The following PBX4 variants were observed in gnomAD, a reference collection of about 807,000 sequenced individuals.
PBX4 encodes the protein PBX homeobox 4.
PBX4 carries 26 observed loss-of-function variants against 35.1 expected under a neutral mutation model. The observed-to-expected ratio is 0.74, with a 90% CI of 0.54 to 1.03. The LOEUF is 1.03. PBX4 is among the 50% of genes least tolerant of loss of function. PBX4 has a pLI of 0.00. For missense variants in PBX4, 448 were observed against 504.3 expected, an observed-to-expected ratio of 0.89 and a Z score of 1.07; for synonymous variants, 199 against 204.2, an observed-to-expected ratio of 0.97 and a Z score of 0.22.
At chr19:19,599,613 G>A (rs1456297015) in intron 1 of PBX4, among the ~76,000 whole-genome samples, 1 of 152,154 alleles carries the variant, frequency 6.6e-6, no homozygotes, top group Non-Finnish European at 1.5e-5. Context: ...CGAGGCAGGT[G>A]GATCACTTGA....
chr19:19,572,553 T>C (rs2061390649), intron 2 of PBX4, among the ~76,000 whole-genome samples: 1 of 150,172 alleles, frequency 6.7e-6, no homozygotes, highest in African/African-American at 2.5e-5. Flanking sequence ...GATATCCTTG[T>C]AAGAATTTTC....
chr19:19,600,141 CAATAAT>C lies in PBX4; in HGVS notation c.120-782_120-777del, dbSNP rs3066478. ...CAGGCAATAGAGTGAGACTCTGTCT[CAATAAT>C]AATAATAATAATAATGTAAAGCAAT... On this transcript the variant is annotated intron_variant, in intron 1 of 7. Coordinates refer to ENST00000251203, the MANE Select transcript of PBX4 (RefSeq NM_025245.3). 7.4e-5 allele frequency among the ~76,000 whole-genome samples: 11 copies of C among 149,382 alleles called. No individual in the cohort carries two copies. The East Asian group carries it at 2.2e-3, about 29-fold the overall frequency.
intron 1 of PBX4, among the ~76,000 whole-genome samples, chr19:19,607,583 C>A (rs1278671592): frequency 6.6e-6 from 1 of 152,164 alleles, no homozygotes; most frequent in Non-Finnish European, 1.5e-5. Flanking sequence ...AGAGCTTTAT[C>A]CCCCTTCAAC....
intron 1 of PBX4, among the ~76,000 whole-genome samples, chr19:19,614,321 G>T (rs901032972): frequency 2.0e-5 from 3 of 151,866 alleles, no homozygotes; most frequent in Non-Finnish European, 4.4e-5. Flanking sequence ...GACAGAATAA[G>T]ACCCTGTCTC....
chr19:19,589,169 C>G (rs1352239171), intron 2 of PBX4, among the ~76,000 whole-genome samples: 5 of 152,112 alleles, frequency 3.3e-5, no homozygotes, highest in Non-Finnish European at 7.3e-5. Context: ...TGGCTCACAC[C>G]TATAGTCCCA....
Position 19,618,516 on chromosome 19 carries a change from C to T in PBX4, c.114G>A (p.Gln38=). The change falls in exon 1 of 8, where the codon CAG becomes CAA. Residue 38 remains glutamine, a synonymous_variant. Transcript: ENST00000251203. The part of the protein sequence containing the change: ...AITDQSLDEA[Q]ARKHALNCHR... ...GCCGAGCCCGCGGGCAGCACCTGGCCTGTGCCTCGTCCAGGCTCTGGTCGG... is the reference window on the plus strand; with the variant it reads ...GCCGAGCCCGCGGGCAGCACCTGGCTTGTGCCTCGTCCAGGCTCTGGTCGG... 6.7e-7 allele frequency: 1 copy of T among 1,484,422 alleles called. No homozygotes were observed. Among genetic ancestry groups the T allele is most frequent in the Non-Finnish European group, 9.0e-7 (1 of 1,113,474 alleles). The allele number at this position is 1,484,422 out of a possible 1,614,324, so 92.0% of individuals were successfully genotyped here.
At chr19:19,604,349 G>GT (rs2061615968) in intron 1 of PBX4, among the ~76,000 whole-genome samples, 1 of 150,512 alleles carries the variant, frequency 6.6e-6, no homozygotes, top group Non-Finnish European at 1.5e-5. Flanking sequence ...GTGTACACCT[G>GT]TAATCCCAAC....
chr19:19,592,784 T>TGC (rs2061536873), intron 2 of PBX4, among the ~76,000 whole-genome samples: 1 of 152,186 alleles, frequency 6.6e-6, no homozygotes, highest in Non-Finnish European at 1.5e-5. Context: ...TCCTAGACCC[T>TGC]GCGCTGGCCA....
chr19:19,580,109 A>G (rs923830738), intron 2 of PBX4, among the ~76,000 whole-genome samples: 1 of 152,216 alleles, frequency 6.6e-6, no homozygotes, highest in Admixed American at 6.5e-5. Flanking sequence ...ATGAGTACCT[A>G]TAGTCACAGC....
At chr19:19,577,430 G>C (rs529390515) in intron 2 of PBX4, among the ~76,000 whole-genome samples, 1 of 152,096 alleles carries the variant, frequency 6.6e-6, no homozygotes, top group Non-Finnish European at 1.5e-5. Context: ...GTTTGTAATC[G>C]TGGGCGACCA....
intron 1 of PBX4, among the ~76,000 whole-genome samples, chr19:19,610,350 T>C (rs1206490550): frequency 1.3e-5 from 2 of 151,662 alleles, no homozygotes; most frequent in South Asian, 4.2e-4. Context: ...GAGGTGGAGG[T>C]TGCGGTGAGC....
intron 2 of PBX4, among the ~76,000 whole-genome samples, chr19:19,577,108 T>A (rs953343411): frequency 3.4e-5 from 5 of 147,914 alleles, no homozygotes; most frequent in Non-Finnish European, 7.4e-5. Context: ...ATGCCTGTAA[T>A]CCCAGCTACT....
At chr19:19,566,700 CT>C (rs34778928) in intron 5 of PBX4, among the ~76,000 whole-genome samples, 46,497 of 97,834 alleles carry the variant, frequency 0.48, 10,301 homozygotes, top group African/African-American at 0.56. Context: ...AATTTTTGTA[CT>C]TTTTTTTTTT....
At chr19:19,577,422 TTGTAATCG>T (rs965035999) in intron 2 of PBX4, among the ~76,000 whole-genome samples, 3 of 152,172 alleles carry the variant, frequency 2.0e-5, no homozygotes, top group Non-Finnish European at 4.4e-5. Context: ...GGCACAGTGT[TTGTAATCG>T]TGGGCGACCA....
chr19:19,608,883 G>C (rs1024052019), intron 1 of PBX4, among the ~76,000 whole-genome samples: 2 of 152,132 alleles, frequency 1.3e-5, no homozygotes, highest in South Asian at 4.1e-4. Flanking sequence ...TCTGGTCCCC[G>C]TGTCACCGCA....
intron 2 of PBX4, among the ~76,000 whole-genome samples, chr19:19,577,104 G>A (rs2061424076): frequency 6.7e-6 from 1 of 150,326 alleles, no homozygotes; most frequent in Non-Finnish European, 1.5e-5. Flanking sequence ...GTGCATGCCT[G>A]TAATCCCAGC....
chr19:19,605,196 T>A (rs960409495), intron 1 of PBX4, among the ~76,000 whole-genome samples: 3 of 151,012 alleles, frequency 2.0e-5, no homozygotes, highest in Non-Finnish European at 4.4e-5. Flanking sequence ...GGCAGGTGGA[T>A]CACGAGGCCA....
Position 19,572,203 on chromosome 19 carries a change from T to G in PBX4, c.194-1370A>C, listed in dbSNP as rs186381831. On this transcript the variant is annotated intron_variant, in intron 2 of 7. Coordinates refer to ENST00000251203, the MANE Select transcript of PBX4 (RefSeq NM_025245.3). ...GATTCTCCTGCCTCAGCCTCCCGAG[T>G]AGCTGGGACTACACATGCGTGCCGC... 1.2e-4 allele frequency among the ~76,000 whole-genome samples: 18 copies of G among 150,624 alleles called. No individual in the cohort carries two copies. In the East Asian group the frequency reaches 3.8e-3, roughly 31 times the overall value.
Position 19,564,919 on chromosome 19 carries a change from C to A in PBX4, c.925+14G>T, listed in dbSNP as rs760467315. 6.2e-7 allele frequency: 1 copy of A among 1,614,078 alleles called. No homozygotes were observed. Among genetic ancestry groups the A allele is most frequent in the Non-Finnish European group, 8.5e-7 (1 of 1,180,032 alleles). ...ATGGGTACAGATGACTGTCCCTGGG[C>A]CAGCCTCACTCACCGGAGCTAGGTG... On this transcript the variant is annotated intron_variant, in intron 6 of 7. Coordinates refer to ENST00000251203, the MANE Select transcript of PBX4 (RefSeq NM_025245.3).
Sources: allele counts gnomAD v4.1 joint callset (sites outside exome capture counted in the v4.1 genomes callset), GRCh38; gene constraint gnomAD v4.1.1; transcripts MANE v1.5; gene names NCBI Gene and HGNC (gene_info 2026-07-23, HGNC 2026-07-21).